Variants in SORCS2 observed in about 807,000 individuals in gnomAD.
SORCS2 encodes the protein VPS10 domain-containing receptor SorCS2.
In SORCS2, 100 loss-of-function variants were observed where a neutral mutation model predicts 141.6. That is an observed-to-expected ratio of 0.71 (90% confidence interval 0.60 to 0.83). The LOEUF is 0.83. Among genes scored for constraint, SORCS2 ranks in the 40% least tolerant of loss-of-function variants. The pLI, the probability that SORCS2 is intolerant of heterozygous loss-of-function variation, is 0.00. For synonymous variants in SORCS2, 789 were observed against 676.9 expected (o/e 1.17, Z -2.57); for missense variants, 1,646 against 1,560.2 (o/e 1.05, Z -0.93).
chr4:7,538,735 G>A (rs1202300377), intron 3 of SORCS2, among the ~76,000 whole-genome samples: 1 of 152,178 alleles, frequency 6.6e-6, no homozygotes, highest in Non-Finnish European at 1.5e-5. Flanking sequence ...ACAGGGTTAG[G>A]ACAAAATCTC....
At chr4:7,449,372 CCCCTCCCT>C (rs1316642956) in intron 2 of SORCS2, among the ~76,000 whole-genome samples, 2 of 71,292 alleles carry the variant, frequency 2.8e-5, no homozygotes, top group African/African-American at 1.2e-4. Context: ...TCCTTTCTCT[CCCCTCCCT>C]CCCTCCCTCC....
At chr4:7,718,465 C>T (rs1252976407) in intron 18 of SORCS2, among the ~76,000 whole-genome samples, 5 of 152,020 alleles carry the variant, frequency 3.3e-5, no homozygotes, top group Admixed American at 6.5e-5. Context: ...TTTCACACAT[C>T]GGGTGGGGGA....
intron 1 of SORCS2, among the ~76,000 whole-genome samples, chr4:7,393,725 C>G (rs1329249143): frequency 6.6e-6 from 1 of 152,080 alleles, no homozygotes; most frequent in Non-Finnish European, 1.5e-5. Context: ...AGGGCTGAAA[C>G]CAGTGGTTAT....
chr4:7,638,494 T>C lies in SORCS2; in HGVS notation c.813+2T>C, dbSNP rs1237877573. The C allele has an allele frequency of 1.2e-6, 2 of 1,609,136 alleles. No individual in the cohort carries two copies. Among genetic ancestry groups the C allele is most frequent in the Admixed American group, 1.7e-5 (1 of 59,552 alleles). ...CTCGCCTACACAAAGGAGAGCAAGG[T>C]AAGATATATGGGTGCCAGTCGCCTG... On this transcript the variant is annotated splice_donor_variant, in intron 4 of 26. Coordinates refer to ENST00000507866, the MANE Select transcript of SORCS2 (RefSeq NM_020777.3). LOFTEE classifies it high-confidence loss of function.
At position 7,299,776 on chromosome 4, in the gene SORCS2, G is replaced by T. The variant is rs186825610; in HGVS notation, c.481-96512G>T. Among the ~76,000 whole-genome samples, 41 of 152,294 alleles carry T rather than the reference G, an allele frequency of 2.7e-4. No homozygotes were observed. In the East Asian group the frequency reaches 7.9e-3, roughly 29 times the overall value. On this transcript the variant is annotated intron_variant, in intron 1 of 26. Transcript: ENST00000507866. ...GGCCCGCTGCCTGCGGGGCGTTTCTGCTTCCTGGGACTTCAAGCTCTGCAA... is the reference window on the plus strand; with the variant it reads ...GGCCCGCTGCCTGCGGGGCGTTTCTTCTTCCTGGGACTTCAAGCTCTGCAA...
At chr4:7,403,093 C>T (rs144855836) in intron 2 of SORCS2, among the ~76,000 whole-genome samples, 4 of 152,214 alleles carry the variant, frequency 2.6e-5, no homozygotes, top group African/African-American at 7.2e-5. Context: ...ATTCATGTCT[C>T]GAAGTGCAAT....
chr4:7,428,603 G>A (rs547002015), intron 2 of SORCS2, among the ~76,000 whole-genome samples: 1 of 152,194 alleles, frequency 6.6e-6, no homozygotes, highest in African/African-American at 2.4e-5. Flanking sequence ...CTGCAGGGAA[G>A]GCCTGAACCG....
chr4:7,533,460 T>C (rs1380271109), intron 3 of SORCS2, among the ~76,000 whole-genome samples: 4 of 152,158 alleles, frequency 2.6e-5, no homozygotes, highest in Non-Finnish European at 4.4e-5. Context: ...CTGGCCCAGC[T>C]TCGAGTTCCT....
intron 14 of SORCS2, among the ~76,000 whole-genome samples, chr4:7,704,869 T>C (rs548241375): frequency 6.6e-6 from 1 of 152,142 alleles, no homozygotes; most frequent in Non-Finnish European, 1.5e-5. Context: ...CCCTCGAACA[T>C]GGGCCCCTGT....
chr4:7,475,265 G>A (rs1285367651), intron 2 of SORCS2, among the ~76,000 whole-genome samples: 2 of 152,146 alleles, frequency 1.3e-5, no homozygotes, highest in African/African-American at 4.8e-5. Flanking sequence ...TGGAAGACAG[G>A]CCAAGGAGTG....
chr4:7,257,468 C>T (rs1005336668), intron 1 of SORCS2, among the ~76,000 whole-genome samples: 7 of 152,060 alleles, frequency 4.6e-5, no homozygotes, highest in African/African-American at 1.4e-4. Context: ...CTCCGCATCG[C>T]GATGGTCACA....
At chr4:7,457,812 G>A (rs545937245) in intron 2 of SORCS2, among the ~76,000 whole-genome samples, 1 of 152,336 alleles carries the variant, frequency 6.6e-6, no homozygotes, top group Non-Finnish European at 1.5e-5. Context: ...TGGGGAAGAG[G>A]CCAGAAAGGG....
At chr4:7,448,501 T>TCTCCCTCCCTCCC (rs1728153151) in intron 2 of SORCS2, among the ~76,000 whole-genome samples, 1 of 102,872 alleles carries the variant, frequency 9.7e-6, no homozygotes, top group Non-Finnish European at 2.0e-5. Flanking sequence ...CTTCCTTTCC[T>TCTCCCTCCCTCCC]TTCCATCTCC....
intron 1 of SORCS2, among the ~76,000 whole-genome samples, chr4:7,199,017 C>A (rs148023510): frequency 1.3e-5 from 2 of 152,110 alleles, no homozygotes; most frequent in Admixed American, 6.5e-5. Context: ...CCAAAGCAGC[C>A]GGCAGGCCTT....
At chr4:7,406,298 G>A (rs1724966053) in intron 2 of SORCS2, among the ~76,000 whole-genome samples, 1 of 150,150 alleles carries the variant, frequency 6.7e-6, no homozygotes, top group African/African-American at 2.4e-5. Context: ...TGAGCAGTTT[G>A]AGTAGGATTG....
intron 2 of SORCS2, chr4:7,434,538 G>A (rs1284516749): frequency 6.2e-7 from 1 of 1,613,096 alleles, no homozygotes; most frequent in East Asian, 2.2e-5. Flanking sequence ...TGGCCGAACT[G>A]TGGGCATCCA....
At chr4:7,469,308 C>T (rs1216489807) in intron 2 of SORCS2, among the ~76,000 whole-genome samples, 1 of 150,326 alleles carries the variant, frequency 6.7e-6, no homozygotes, top group African/African-American at 2.5e-5. Context: ...CAATGATGTA[C>T]CTCATAGCAA....
chr4:7,431,562 G>A (rs1230543081), intron 2 of SORCS2: 1 of 152,376 alleles, frequency 6.6e-6, no homozygotes, highest in East Asian at 1.9e-4. Flanking sequence ...CTCCTGGAGA[G>A]GGTGGGTGGT....
chr4:7,723,067 G>A (rs922796128), intron 18 of SORCS2, among the ~76,000 whole-genome samples: 1 of 152,130 alleles, frequency 6.6e-6, no homozygotes, highest in South Asian at 2.1e-4. Flanking sequence ...GCGGTTATTG[G>A]AAGGTGGAAG....
Sources: allele counts gnomAD v4.1 joint callset (sites outside exome capture counted in the v4.1 genomes callset), GRCh38; gene constraint gnomAD v4.1.1; transcripts MANE v1.5; gene names NCBI Gene and HGNC (gene_info 2026-07-23, HGNC 2026-07-21).